The following TAOK1 variants were observed in gnomAD, a reference collection of about 807,000 sequenced individuals.
The protein encoded by TAOK1 is TAO kinase 1.
Under a neutral mutation model 138.3 loss-of-function variants are expected in TAOK1, and 21 were observed. The ratio of observed to expected loss-of-function variants is 0.15; its 90% CI spans 0.11 to 0.22. The LOEUF (loss-of-function observed/expected upper bound fraction) is 0.22. Among genes scored for constraint, TAOK1 ranks in the 10% least tolerant of loss-of-function variants. The pLI, the probability that TAOK1 is intolerant of heterozygous loss-of-function variation, is 1.00. For missense variants in TAOK1, 651 were observed against 1,227.7 expected (o/e 0.53, Z 7.02); for synonymous variants, 361 against 398.4 (o/e 0.91, Z 1.12).
intron 9 of TAOK1, among the ~76,000 whole-genome samples, chr17:29,491,544 T>A (rs1344857167): frequency 8.5e-5 from 13 of 152,206 alleles, no homozygotes; most frequent in Non-Finnish European, 1.9e-4. Flanking sequence ...TTGTGATATT[T>A]AAATATGTAG....
intron 1 of TAOK1, among the ~76,000 whole-genome samples, chr17:29,421,003 C>T (rs966311607): frequency 1.3e-5 from 2 of 152,290 alleles, no homozygotes; most frequent in East Asian, 1.9e-4. Flanking sequence ...AGTCTCAGCT[C>T]ATTGCAACCT....
chr17:29,390,452 G>A lies in TAOK1; in HGVS notation c.-667G>A, dbSNP rs1419858845. The A allele has an allele frequency of 6.6e-6, 1 of 152,238 alleles. No homozygotes were observed. 9.4% of individuals were successfully genotyped at this position (152,238 alleles called of 1,614,324 possible). On this transcript the variant is annotated 5_prime_UTR_variant, in exon 1 of 20. Transcript: ENST00000261716. ...GAGTCGGTGCCGCCGCCTGCCTGAG[G>A]AGAGAGGAGGGGTCCCGCTCGCCCT...
At chr17:29,506,053 G>C (rs547549456) in intron 13 of TAOK1, among the ~76,000 whole-genome samples, 1 of 152,188 alleles carries the variant, frequency 6.6e-6, no homozygotes, top group East Asian at 1.9e-4. Flanking sequence ...AAAATGGTGT[G>C]GAGGTTCCTC....
At chr17:29,537,879 T>C (rs953683321) in intron 19 of TAOK1, among the ~76,000 whole-genome samples, 4 of 152,152 alleles carry the variant, frequency 2.6e-5, no homozygotes, top group East Asian at 1.9e-4. Context: ...TTTGGGAGGC[T>C]GAGGCAGGCA....
At chr17:29,395,202 C>T (rs1332009824) in intron 1 of TAOK1, among the ~76,000 whole-genome samples, 1 of 152,104 alleles carries the variant, frequency 6.6e-6, no homozygotes, top group Non-Finnish European at 1.5e-5. Context: ...TGTGATCATG[C>T]CACCGCACTC....
rs78316922 is a variant in TAOK1 at position 29,440,914 on chromosome 17, C to T, written c.-94-10541C>T. ...ATTATGAAAGTGTGTTGCATTTTAT[C>T]AAATGCGTTTTCCATATTTATTGAG... On this transcript the variant is annotated intron_variant, in intron 1 of 19. Transcript: ENST00000261716. Among the ~76,000 whole-genome samples, 1,405 of 152,270 alleles carry T rather than the reference C, an allele frequency of 9.2e-3. 14 individuals are homozygous for T. Among genetic ancestry groups the T allele is most frequent in the African/African-American group, 0.032 (1,347 of 41,556 alleles).
Position 29,475,651 on chromosome 17 carries a change from A to C in TAOK1, c.205-19A>C. 6.6e-7 allele frequency: 1 copy of C among 1,514,638 alleles called. No individual in the cohort carries two copies. The highest frequency in any genetic ancestry group is 1.4e-5 in the African/African-American group (1 of 72,374). The allele number at this position is 1,514,638 out of a possible 1,614,324, so 93.8% of individuals were successfully genotyped here. A position where few individuals can be genotyped will look rare whatever the true frequency, so the allele number is the denominator to read the frequency against. On this transcript the variant is annotated intron_variant, in intron 3 of 19. Coordinates refer to ENST00000261716, the MANE Select transcript of TAOK1 (RefSeq NM_020791.4). ...GGAAAAGTCCTGTTCATAATTCTTT[A>C]CCTTTTTTCTCCCCACAGAAATGGC...
chr17:29,491,080 A>G (rs2153027593), intron 9 of TAOK1, among the ~76,000 whole-genome samples: 1 of 152,340 alleles, frequency 6.6e-6, no homozygotes, highest in Admixed American at 6.5e-5. Flanking sequence ...TATTGAACAC[A>G]GACTGTCTTT....
intron 6 of TAOK1, among the ~76,000 whole-genome samples, chr17:29,478,816 A>G (rs1183526643): frequency 6.6e-6 from 1 of 152,142 alleles, no homozygotes; most frequent in Non-Finnish European, 1.5e-5. Context: ...ATTCTATGAC[A>G]TGGACGAATA....
At position 29,489,660 on chromosome 17, in the gene TAOK1, A is replaced by G. The variant is rs564243050; in HGVS notation, c.656-4A>G. On this transcript the variant is annotated splice_polypyrimidine_tract_variant and splice_region_variant and intron_variant, in intron 8 of 19. Transcript: ENST00000261716. ...TTAACAGGAATGTTTCCTTTCTTTT[A>G]CAGCGGAAAGGAAGCCTCCTTTATT... 5 of 1,598,494 alleles carry G rather than the reference A, an allele frequency of 3.1e-6. No individual in the cohort carries two copies. The African/African-American group carries it at 4.0e-5, about 13-fold the overall frequency.
chr17:29,397,599 T>TCCC (rs369574423), intron 1 of TAOK1, among the ~76,000 whole-genome samples: 1,679 of 57,258 alleles, frequency 0.029, 112 homozygotes, highest in East Asian at 0.059. Context: ...TGAGATTCCG[T>TCCC]CCCCCCCCAA....
chr17:29,504,757 C>T (rs927436211), intron 13 of TAOK1, among the ~76,000 whole-genome samples: 1 of 152,124 alleles, frequency 6.6e-6, no homozygotes, highest in Admixed American at 6.6e-5. Flanking sequence ...ATGTAATAAG[C>T]AGATGTTGTA....
At chr17:29,417,445 T>G (rs547889205) in intron 1 of TAOK1, among the ~76,000 whole-genome samples, 1 of 152,334 alleles carries the variant, frequency 6.6e-6, no homozygotes, top group African/African-American at 2.4e-5. Flanking sequence ...GGCTTTTTGT[T>G]TCTTTCCACA....
intron 1 of TAOK1, among the ~76,000 whole-genome samples, chr17:29,422,368 T>A (rs1392280315): frequency 6.6e-6 from 1 of 150,784 alleles, no homozygotes; most frequent in Non-Finnish European, 1.5e-5. Flanking sequence ...CACACCCAGC[T>A]AATTTTTTTT....
chr17:29,440,087 T>A (rs1490168028), intron 1 of TAOK1, among the ~76,000 whole-genome samples: 1 of 152,118 alleles, frequency 6.6e-6, no homozygotes, highest in Admixed American at 6.6e-5. Flanking sequence ...TGAGCTATGA[T>A]ATTAAACTTA....
At position 29,502,570 on chromosome 17, in the gene TAOK1, CTT is replaced by C. The variant is rs367720840; in HGVS notation, c.1204-7_1204-6del. On this transcript the variant is annotated splice_polypyrimidine_tract_variant and intron_variant, in intron 12 of 19. Transcript: ENST00000261716. ...AACTGTTCACCTTACATAATATTGT[CTT>C]TTTTTTTTTTTCCTAGGAGGAAGAA... The C allele has an allele frequency of 1.6e-3, 1,982 of 1,264,780 alleles. No individual in the cohort carries two copies. Among genetic ancestry groups the C allele is most frequent in the Admixed American group, 3.6e-3 (170 of 46,864 alleles). 78.3% of individuals were successfully genotyped at this position (1,264,780 alleles called of 1,614,324 possible). A position where few individuals can be genotyped will look rare whatever the true frequency, so the allele number is the denominator to read the frequency against.
At chr17:29,400,589 G>A (rs542293597) in intron 1 of TAOK1, among the ~76,000 whole-genome samples, 1 of 152,068 alleles carries the variant, frequency 6.6e-6, no homozygotes, top group South Asian at 2.1e-4. Flanking sequence ...CCTTGAAAGT[G>A]CCTTACGTTC....
At chr17:29,435,201 C>G (rs1244739926) in intron 1 of TAOK1, among the ~76,000 whole-genome samples, 1 of 151,898 alleles carries the variant, frequency 6.6e-6, no homozygotes, top group African/African-American at 2.4e-5. Context: ...TGAGATGCAG[C>G]TGGAGATTGC....
chr17:29,462,565 C>G (rs544031213), intron 2 of TAOK1, among the ~76,000 whole-genome samples: 1 of 152,276 alleles, frequency 6.6e-6, no homozygotes, highest in African/African-American at 2.4e-5. Context: ...TAATATTTAC[C>G]TCTTGTTTCC....
Sources: allele counts gnomAD v4.1 joint callset (sites outside exome capture counted in the v4.1 genomes callset), GRCh38; gene constraint gnomAD v4.1.1; transcripts MANE v1.5; gene names NCBI Gene and HGNC (gene_info 2026-07-23, HGNC 2026-07-21).